HOXC8: variants seen among roughly 807,000 people sequenced by gnomAD.
The protein encoded by HOXC8 is homeobox C8, also known as homeobox protein Hox-C8.
HOXC8 carries 14 observed loss-of-function variants against 25.8 expected under a neutral mutation model. That is an observed-to-expected ratio of 0.54 (90% CI 0.36 to 0.85). The LOEUF (loss-of-function observed/expected upper bound fraction) is 0.85. Among genes scored for constraint, HOXC8 ranks in the 40% least tolerant of loss-of-function variants. The probability of loss-of-function intolerance (pLI) is 0.01; values close to 1 mark genes in which losing one functional copy is unlikely to be tolerated. For synonymous variants in HOXC8, 144 were observed against 124.6 expected (o/e 1.16, Z -1.04); for missense variants, 316 against 308.8 (o/e 1.02, Z -0.17).
In HOXC8 at chr12:54,012,627, T is replaced by C. The variant is rs1940023449; in HGVS notation, c.*1246T>C. Among the ~76,000 whole-genome samples the C allele has an allele frequency of 1.3e-5, 2 of 152,198 alleles. No individual in the cohort carries two copies. ...TCGAAAGAAAAAAATGTTAAAAATA[T>C]ATCTATAATAATAATTTTTTGTCAT... On this transcript the variant is annotated 3_prime_UTR_variant, in exon 2 of 2. Transcript: ENST00000040584.
intron 1 of HOXC8, among the ~76,000 whole-genome samples, chr12:54,010,109 C>T (rs1397324057): frequency 2.0e-5 from 3 of 152,174 alleles, no homozygotes; most frequent in Non-Finnish European, 4.4e-5. Context: ...TGGAACAAAC[C>T]AGTTTCTCCA....
At position 54,009,643 on chromosome 12, in the gene HOXC8, C is replaced by CT; in HGVS notation, c.360dup (p.Asn121Ter). ...CCCGACTGTAAATCCTCCGCCAACA[C>CT]TAACAGTAGCGAAGGACAAGGCCAC... On this transcript the variant is annotated frameshift_variant, in exon 1 of 2. Coordinates refer to ENST00000040584, the MANE Select transcript of HOXC8 (RefSeq NM_022658.4). LOFTEE classifies it high-confidence loss of function. This position sits in a 1 kb window ranked among gnomAD's most constrained non-coding sequence, Gnocchi z 5.0. 6.2e-7 allele frequency: 1 copy of CT among 1,614,204 alleles called. No individual in the cohort carries two copies. Among genetic ancestry groups the CT allele is most frequent in the Non-Finnish European group, 8.5e-7 (1 of 1,180,024 alleles).
In HOXC8 at chr12:54,009,776, C is replaced by G. The variant is rs572726684; in HGVS notation, c.436+56C>G. ...CTCCCGCGCTCCAGGGTTTCCCCCC[C>G]TCCCTCGCCTCCTTTTTGTCTGCCC... On this transcript the variant is annotated intron_variant, in intron 1 of 1. Transcript: ENST00000040584. This position sits in a 1 kb window ranked among gnomAD's most constrained non-coding sequence, Gnocchi z 5.0. 16 of 1,454,316 alleles carry G rather than the reference C, an allele frequency of 1.1e-5. No homozygotes were observed. The African/African-American group carries it at 1.7e-4, about 15-fold the overall frequency. The allele number at this position is 1,454,316 out of a possible 1,614,324, so 90.1% of individuals were successfully genotyped here.
Position 54,009,618 on chromosome 12 carries a change from C to T in HOXC8, c.334C>T (p.Pro112Ser). ...AQQEASVVQY[P>S]DCKSSANTNS... ...GCAAGAGGCGAGCGTGGTGCAATATCCCGACTGTAAATCCTCCGCCAACAC... is the reference window on the plus strand; with the variant it reads ...GCAAGAGGCGAGCGTGGTGCAATATTCCGACTGTAAATCCTCCGCCAACAC... Residue 112 changes from proline to serine, a missense_variant, in exon 1 of 2, where the codon CCC becomes TCC. Transcript: ENST00000040584. The surrounding 1 kb of genome is among the most constrained non-coding windows in gnomAD (Gnocchi z 5.0). The T allele has an allele frequency of 6.2e-7, 1 of 1,614,236 alleles. No individual in the cohort carries two copies. The highest frequency in any genetic ancestry group is 8.5e-7 in the Non-Finnish European group (1 of 1,180,044).
At chr12:54,010,507 C>T (rs1222097902) in intron 1 of HOXC8, among the ~76,000 whole-genome samples, 1 of 152,098 alleles carries the variant, frequency 6.6e-6, no homozygotes, top group Non-Finnish European at 1.5e-5. Context: ...CCCTCATGGC[C>T]CAATTTCGAA....
rs544820422 is a variant in HOXC8, at chr12:54,011,591, G to GA, written c.*211dup. 4.7e-5 allele frequency: 26 copies of GA among 550,708 alleles called. No homozygotes were observed. The South Asian group carries it at 9.8e-4, about 21-fold the overall frequency. 34.1% of individuals were successfully genotyped at this position (550,708 alleles called of 1,614,324 possible). On this transcript the variant is annotated 3_prime_UTR_variant, in exon 2 of 2. Coordinates refer to ENST00000040584, the MANE Select transcript of HOXC8 (RefSeq NM_022658.4). ...TTATTTGTTTGGGGGCTGGAGGGGG[G>GA]AGACGGAGAAACAGTGAAAAGTTCG...
Position 54,011,396 on chromosome 12 carries a change from C to T in HOXC8, c.*15C>T, listed in dbSNP as rs919343727. On this transcript the variant is annotated 3_prime_UTR_variant, in exon 2 of 2. Transcript: ENST00000040584. ...ACAAGGACTAAGCAAAAAAGAAAGA[C>T]CCCCCCCCCCTTAGCAACTCCCTTG... 19 of 288,760 alleles carry T rather than the reference C, an allele frequency of 6.6e-5. No homozygotes were observed. The highest frequency in any genetic ancestry group is 2.4e-4 in the African/African-American group (6 of 25,208). 17.9% of individuals were successfully genotyped at this position (288,760 alleles called of 1,614,324 possible).
At position 54,011,396 on chromosome 12, in the gene HOXC8, C is replaced by CA. The variant is rs569341279; in HGVS notation, c.*15_*16insA. The CA allele has an allele frequency of 4.2e-5, 12 of 288,772 alleles. No individual in the cohort carries two copies. The East Asian group carries it at 4.7e-4, about 11-fold the overall frequency. 17.9% of individuals were successfully genotyped at this position (288,772 alleles called of 1,614,324 possible). On this transcript the variant is annotated 3_prime_UTR_variant, in exon 2 of 2. Transcript: ENST00000040584. Reference sequence around the variant, plus strand: ...ACAAGGACTAAGCAAAAAAGAAAGACCCCCCCCCCCTTAGCAACTCCCTTG... The same window carrying CA: ...ACAAGGACTAAGCAAAAAAGAAAGACACCCCCCCCCCTTAGCAACTCCCTTG...
At chr12:54,010,607 T>A (rs1265111484) in intron 1 of HOXC8, among the ~76,000 whole-genome samples, 2 of 152,290 alleles carry the variant, frequency 1.3e-5, no homozygotes, top group Middle Eastern at 3.4e-3. Flanking sequence ...GGCGGAGCGG[T>A]GACACATTCC....
In HOXC8 at chr12:54,011,184, C is replaced by T; in HGVS notation, c.532C>T (p.Arg178Cys). 4 of 1,613,884 alleles carry T rather than the reference C, an allele frequency of 2.5e-6. No homozygotes were observed. The highest frequency in any genetic ancestry group is 1.6e-4 in the Middle Eastern group (1 of 6,062). Residue 178 changes from arginine to cysteine, a missense_variant, in exon 2 of 2, where the codon CGT becomes TGT. Coordinates refer to ENST00000040584, the MANE Select transcript of HOXC8 (RefSeq NM_022658.4). Reference protein sequence around the residue: ...FLFNPYLTRKRRIEVSHALGL... With the variant: ...FLFNPYLTRKCRIEVSHALGL... ...CTTTAATCCTTATTTGACACGAAAA[C>T]GTCGGATTGAAGTCTCTCATGCCCT...
At chr12:54,011,059 G>A (rs1210510434) in intron 1 of HOXC8, 30 bp from the exon 2 acceptor site, 16 of 1,539,780 alleles carry the variant, frequency 1.0e-5, no homozygotes, top group Admixed American at 1.7e-5. Flanking sequence ...CCATCCAAAC[G>A]TAACCAGACT....
rs775092277 is a variant in HOXC8, at chr12:54,009,404, C to CGGGCCCGGCGGCTCG, written c.122_136dup (p.Gly41_Ser45dup). 20 of 1,613,904 alleles carry CGGGCCCGGCGGCTCG rather than the reference C, an allele frequency of 1.2e-5. No homozygotes were observed. Among genetic ancestry groups the CGGGCCCGGCGGCTCG allele is most frequent in the Non-Finnish European group, 1.5e-5 (18 of 1,179,976 alleles). ...TGGGCAGGAGCCATGCGCTGGTGTA[C>CGGGCCCGGCGGCTCG]GGGCCCGGCGGCTCGGCGCCCGGCT... On this transcript the variant is annotated inframe_insertion, in exon 1 of 2. Transcript: ENST00000040584. This position sits in a 1 kb window ranked among gnomAD's most constrained non-coding sequence, Gnocchi z 5.0.
chr12:54,011,928 A>C lies in HOXC8; in HGVS notation c.*547A>C, dbSNP rs1451873454. The C allele has an allele frequency of 6.6e-6, 1 of 151,986 alleles. No homozygotes were observed. The highest frequency in any genetic ancestry group is 2.4e-5 in the African/African-American group (1 of 41,454). The allele number at this position is 151,986 out of a possible 1,614,324, so 9.4% of individuals were successfully genotyped here. On this transcript the variant is annotated 3_prime_UTR_variant, in exon 2 of 2. Coordinates refer to ENST00000040584, the MANE Select transcript of HOXC8 (RefSeq NM_022658.4). ...AAAGAAATAAGGAAAAAAGCAAGGAATATCCCCTCCCCCTCCCCCTCCCCC... is the reference window on the plus strand; with the variant it reads ...AAAGAAATAAGGAAAAAAGCAAGGACTATCCCCTCCCCCTCCCCCTCCCCC...
At position 54,011,217 on chromosome 12, in the gene HOXC8, A is replaced by G; in HGVS notation, c.565A>G (p.Thr189Ala). Residue 189 changes from threonine (T) to alanine (A), a missense_variant, in exon 2 of 2, where the codon ACC (threonine) becomes GCC (alanine). Thr to Ala is a moderately conservative substitution (Grantham distance 58). Transcript: ENST00000040584. ...TGAAGTCTCTCATGCCCTGGGACTG[A>G]CCGAGAGACAAGTGAAGATCTGGTT... ...RIEVSHALGL[T>A]ERQVKIWFQN... The G allele has an allele frequency of 6.2e-7, 1 of 1,613,830 alleles. No homozygotes were observed. The highest frequency in any genetic ancestry group is 8.5e-7 in the Non-Finnish European group (1 of 1,179,914).
chr12:54,012,552 A>T lies in HOXC8; in HGVS notation c.*1171A>T, dbSNP rs1390156725. Among the ~76,000 whole-genome samples the T allele has an allele frequency of 1.3e-5, 2 of 152,158 alleles. No homozygotes were observed. Among genetic ancestry groups the T allele is most frequent in the Non-Finnish European group, 2.9e-5 (2 of 68,030 alleles). ...CCCCAGTAGAGTAGAACTAAATTGC[A>T]CTGAATGTATAGTTAACTCTGTCTT... On this transcript the variant is annotated 3_prime_UTR_variant, in exon 2 of 2. Coordinates refer to ENST00000040584, the MANE Select transcript of HOXC8 (RefSeq NM_022658.4).
In HOXC8 at chr12:54,011,959, A is replaced by G. The variant is rs1458541083; in HGVS notation, c.*578A>G. On this transcript the variant is annotated 3_prime_UTR_variant, in exon 2 of 2. Coordinates refer to ENST00000040584, the MANE Select transcript of HOXC8 (RefSeq NM_022658.4). ...CCTCCCCCTCCCCCTCCCCCTCCCC[A>G]GGGCTCCCTGCTTAGAAAAACCCCC... is the stretch of plus-strand genomic sequence containing the variant. 4.9e-5 allele frequency: 1 copy of G among 20,422 alleles called. No individual in the cohort carries two copies. The highest frequency in any genetic ancestry group is 1.3e-4 in the Non-Finnish European group (1 of 7,970). The allele number at this position is 20,422 out of a possible 1,614,324, so 1.3% of individuals were successfully genotyped here. A position where few individuals can be genotyped will look rare whatever the true frequency, so the allele number is the denominator to read the frequency against.
In HOXC8 at chr12:54,011,403, C is replaced by A. The variant is rs770479099; in HGVS notation, c.*22C>A. On this transcript the variant is annotated 3_prime_UTR_variant, in exon 2 of 2. Coordinates refer to ENST00000040584, the MANE Select transcript of HOXC8 (RefSeq NM_022658.4). ...CTAAGCAAAAAAGAAAGACCCCCCC[C>A]CCCTTAGCAACTCCCTTGAAGTTTC... 2.8e-5 allele frequency: 41 copies of A among 1,449,792 alleles called. No individual in the cohort carries two copies. Among genetic ancestry groups the A allele is most frequent in the Non-Finnish European group, 3.5e-5 (39 of 1,106,840 alleles). The allele number at this position is 1,449,792 out of a possible 1,614,324, so 89.8% of individuals were successfully genotyped here.
rs1161542063 is a variant in HOXC8 at position 54,009,208 on chromosome 12, G to A, written c.-77G>A. On this transcript the variant is annotated 5_prime_UTR_variant, in exon 1 of 2. Coordinates refer to ENST00000040584, the MANE Select transcript of HOXC8 (RefSeq NM_022658.4). The surrounding 1 kb of genome is among the most constrained non-coding windows in gnomAD (Gnocchi z 5.0). ...CTGGCCTGGGGTTCGGTCCCGGGGG[G>A]AGGGGAGTTTCGGGGGTACTGGGCG... is the stretch of plus-strand genomic sequence containing the variant. 5.6e-6 allele frequency: 7 copies of A among 1,258,104 alleles called. 1 individual carries two copies. The highest frequency in any genetic ancestry group is 2.3e-5 in the East Asian group (1 of 42,786). The allele number at this position is 1,258,104 out of a possible 1,614,324, so 77.9% of individuals were successfully genotyped here.
In HOXC8 at chr12:54,012,135, T is replaced by C. The variant is rs1027298348; in HGVS notation, c.*754T>C. ...CACTCGGGCCCATGCCTTCCTCTCC[T>C]TCGCTGTTTGATTTCTATTCTGTTG... is the stretch of plus-strand genomic sequence containing the variant. On this transcript the variant is annotated 3_prime_UTR_variant, in exon 2 of 2. Transcript: ENST00000040584. The C allele has an allele frequency of 6.6e-6, 1 of 152,476 alleles. No individual in the cohort carries two copies. Among genetic ancestry groups the C allele is most frequent in the Non-Finnish European group, 1.5e-5 (1 of 68,036 alleles). 9.4% of individuals were successfully genotyped at this position (152,476 alleles called of 1,614,324 possible). A position where few individuals can be genotyped will look rare whatever the true frequency, so the allele number is the denominator to read the frequency against.
Sources: allele counts gnomAD v4.1 joint callset (sites outside exome capture counted in the v4.1 genomes callset), GRCh38; gene constraint gnomAD v4.1.1; non-coding constraint Gnocchi (gnomAD v3.1); transcripts MANE v1.5; gene names NCBI Gene and HGNC (gene_info 2026-07-23, HGNC 2026-07-21).